CYFIP1: variants seen among roughly 807,000 people sequenced by gnomAD.
CYFIP1 encodes the protein cytoplasmic FMR1-interacting protein 1.
Under a neutral mutation model 163.5 loss-of-function variants are expected in CYFIP1, and 58 were observed. The observed-to-expected ratio is 0.35, with a 90% confidence interval of 0.29 to 0.44. The LOEUF is 0.44. CYFIP1 is among the 20% of genes least tolerant of loss of function. The pLI, the probability that CYFIP1 is intolerant of heterozygous loss-of-function variation, is 1.00. For synonymous variants in CYFIP1, 663 were observed against 660.7 expected, an observed-to-expected ratio of 1.00 and a Z score of -0.05; for missense variants, 1,338 against 1,653.8, an observed-to-expected ratio of 0.81 and a Z score of 3.31.
chr15:22,929,541 A>C (rs1049111643), intron 11 of CYFIP1, among the ~76,000 whole-genome samples: 1 of 146,718 alleles, frequency 6.8e-6, no homozygotes, highest in African/African-American at 2.5e-5. Flanking sequence ...CTGAGGCAGG[A>C]GAATTGCTTG....
At chr15:22,938,744 A>T (rs959204780) in intron 8 of CYFIP1, among the ~76,000 whole-genome samples, 21 of 151,498 alleles carry the variant, frequency 1.4e-4, no homozygotes, top group African/African-American at 5.1e-4. Flanking sequence ...CTCTACAAAA[A>T]ATTTAAAAAT....
chr15:22,925,878 G>A (rs1466050213), intron 13 of CYFIP1, 104 bp downstream of exon 13: 2 of 1,506,290 alleles, frequency 1.3e-6, no homozygotes, highest in African/African-American at 1.4e-5. Context: ...CCACACAGAA[G>A]CAATGAGTAA....
At chr15:22,964,274 CCA>C (rs60879784) in intron 1 of CYFIP1, among the ~76,000 whole-genome samples, 7,823 of 96,936 alleles carry the variant, frequency 0.081, 426 homozygotes, top group East Asian at 0.17. Context: ...CTCCTCCTCA[CCA>C]CACACACACA....
chr15:22,935,000 AT>A (rs1355154446), intron 9 of CYFIP1, among the ~76,000 whole-genome samples: 2 of 152,182 alleles, frequency 1.3e-5, no homozygotes, highest in Non-Finnish European at 2.9e-5. Context: ...AAGGCTTCAA[AT>A]TTTTTAAATG....
rs146229292 is a variant in CYFIP1 at position 22,903,723 on chromosome 15, G to A, written c.2571C>T (p.Tyr857=). The A allele has an allele frequency of 6.8e-5, 109 of 1,613,654 alleles. 1 individual carries two copies. The highest frequency in any genetic ancestry group is 8.4e-5 in the Non-Finnish European group (99 of 1,180,048). Reference sequence around the variant, plus strand: ...ACGCTCACCGGTTGGTAGAGCCGTTGTAGCAGTAGTTGGGCAGGAAGTCAT... The same window carrying A: ...ACGCTCACCGGTTGGTAGAGCCGTTATAGCAGTAGTTGGGCAGGAAGTCAT... ...LNYDFLPNYC[Y]NGSTNRFVRT... is the part of the protein sequence containing the mutation. Residue 857 remains tyrosine, a synonymous_variant, in exon 22 of 31, where the codon TAC becomes TAT. Transcript: ENST00000617928.
At chr15:22,956,731 G>A (rs987947367) in intron 1 of CYFIP1, among the ~76,000 whole-genome samples, 10 of 152,290 alleles carry the variant, frequency 6.6e-5, no homozygotes, top group East Asian at 1.9e-4. Context: ...CTGCCGCCCC[G>A]AGACAGCAGT....
At chr15:22,878,565 G>C (rs1001698024) in intron 26 of CYFIP1, among the ~76,000 whole-genome samples, 13 of 151,622 alleles carry the variant, frequency 8.6e-5, no homozygotes, top group African/African-American at 2.9e-4. Flanking sequence ...CATGCAGAAG[G>C]CAAAGCTTCA....
At chr15:22,908,105 A>G (rs992250316) in intron 21 of CYFIP1, among the ~76,000 whole-genome samples, 3 of 152,088 alleles carry the variant, frequency 2.0e-5, no homozygotes, top group African/African-American at 7.2e-5. Context: ...CTGTGTTCAA[A>G]TTGTGATAGA....
chr15:22,867,308 T>TTGA lies in CYFIP1; in HGVS notation c.*2717_*2719dup, dbSNP rs1184266959. ...ACCTACAAAAGTGGCTCCTGTTTGT[T>TTGA]TGATGATGATTGGTTTTATTTTTGA... On this transcript the variant is annotated 3_prime_UTR_variant, in exon 31 of 31. Coordinates refer to ENST00000617928, the MANE Select transcript of CYFIP1 (RefSeq NM_014608.6). 3.3e-5 allele frequency: 13 copies of TTGA among 398,090 alleles called. No homozygotes were observed. Among genetic ancestry groups the TTGA allele is most frequent in the African/African-American group, 2.5e-4 (12 of 48,548 alleles). The allele number at this position is 398,090 out of a possible 1,614,324, so 24.7% of individuals were successfully genotyped here.
In CYFIP1 at chr15:22,873,554, C is replaced by G; in HGVS notation, c.3386G>C (p.Arg1129Thr). The change falls in exon 29 of 31, where the codon AGA becomes ACA. Residue 1129 changes from arginine to threonine, a missense_variant. Transcript: ENST00000617928. ...GACAAACTGCATGGCACTCCACAGT[C>G]TGTGAAACTCCACACACTCGTCCAC... ...MHVDECVEFH[R>T]LWSAMQFVYC... is the part of the protein sequence containing the mutation. 6.2e-7 allele frequency: 1 copy of G among 1,614,244 alleles called. No individual in the cohort carries two copies. Among genetic ancestry groups the G allele is most frequent in the Non-Finnish European group, 8.5e-7 (1 of 1,180,044 alleles).
At chr15:22,974,692 T>G (rs2063209146) in intron 1 of CYFIP1, among the ~76,000 whole-genome samples, 1 of 152,136 alleles carries the variant, frequency 6.6e-6, no homozygotes, top group Non-Finnish European at 1.5e-5. Context: ...ATCACACCAC[T>G]GCACTCCAGC....
At chr15:22,898,353 G>C (rs1252192665) in intron 22 of CYFIP1, among the ~76,000 whole-genome samples, 1 of 152,062 alleles carries the variant, frequency 6.6e-6, no homozygotes, top group Non-Finnish European at 1.5e-5. Context: ...CATGTCCTGG[G>C]TTCAAGCAAT....
intron 21 of CYFIP1, chr15:22,905,458 T>G (rs958921564): frequency 1.3e-5 from 2 of 151,922 alleles, no homozygotes; most frequent in East Asian, 3.9e-4. Flanking sequence ...TGCTTTAATT[T>G]CTTTTTGATT....
upstream of CYFIP1, among the ~76,000 whole-genome samples, chr15:22,980,853 C>CCCGCTGGGGACCCCCCCGGCCGG (rs1342315221): frequency 1.3e-5 from 2 of 152,058 alleles, no homozygotes; most frequent in Admixed American, 6.5e-5. Context: ...GCGCGCAGAG[C>CCCGCTGGGGACCCCCCCGGCCGG]CCGCTGGGGA....
chr15:22,884,219 C>T (rs1048815269), intron 23 of CYFIP1, among the ~76,000 whole-genome samples: 1 of 152,166 alleles, frequency 6.6e-6, no homozygotes, highest in Non-Finnish European at 1.5e-5. Flanking sequence ...TAACTCATTC[C>T]AGCATTAATT....
chr15:22,874,887 A>G (rs995495212), intron 27 of CYFIP1, among the ~76,000 whole-genome samples: 6 of 152,176 alleles, frequency 3.9e-5, no homozygotes, highest in Non-Finnish European at 7.3e-5. Flanking sequence ...AAAGCAGAAA[A>G]TGGCACAATG....
intron 21 of CYFIP1, among the ~76,000 whole-genome samples, chr15:22,908,590 C>T (rs1333724296): frequency 2.4e-5 from 3 of 124,870 alleles, no homozygotes; most frequent in East Asian, 4.9e-4. Context: ...AGTGCAGTGG[C>T]GCGATCTGGG....
intron 1 of CYFIP1, among the ~76,000 whole-genome samples, chr15:22,966,430 G>A (rs1182263289): frequency 6.7e-6 from 1 of 150,104 alleles, no homozygotes; most frequent in Non-Finnish European, 1.5e-5. Flanking sequence ...AGAAGACCAC[G>A]CAAGGACGCA....
intron 26 of CYFIP1, among the ~76,000 whole-genome samples, chr15:22,879,211 C>T (rs973530472): frequency 3.3e-5 from 5 of 151,992 alleles, no homozygotes; most frequent in African/African-American, 1.2e-4. Flanking sequence ...AACAAGAAGA[C>T]GCAACGAACG....
Sources: gnomAD v4.1 joint callset for allele counts (sites outside exome capture counted in the v4.1 genomes callset) on GRCh38, gnomAD v4.1.1 for gene constraint, MANE v1.5 for transcripts, NCBI Gene and HGNC (gene_info 2026-07-23, HGNC 2026-07-21) for gene names.